Variants in BRME1 observed in about 807,000 individuals in gnomAD.
BRME1 encodes BRCA2 and MEILB2-associating protein 1.
BRME1 carries 31 observed loss-of-function variants against 52.6 expected under a neutral mutation model. The observed-to-expected ratio is 0.59, with a 90% CI of 0.44 to 0.80. BRME1 has a LOEUF of 0.80. Ranked by LOEUF, BRME1 falls within the 30% of genes least tolerant of loss-of-function variation. The probability of loss-of-function intolerance (pLI) is 0.00; values close to 1 mark genes in which losing one functional copy is unlikely to be tolerated. For missense variants in BRME1, 804 were observed against 860.3 expected (o/e 0.93, Z 0.82); for synonymous variants, 359 against 353.6 (o/e 1.02, Z -0.17).
chr19:13,889,939 T>G lies in BRME1; in HGVS notation c.917A>C (p.Gln306Pro). The change falls in exon 6 of 9, where the codon CAG (glutamine) becomes CCG (proline). Residue 306 changes from glutamine (Q) to proline (P), a missense_variant. Transcript: ENST00000586783. The part of the protein sequence containing the change: ...SWCLEPGSVA[Q>P]GSPDPQQTPS... ...GGTCTGCTGGGGGTCAGGGGAGCCC[T>G]GGGCCACAGACCCGGGTTCCAGGCA... 6.2e-7 allele frequency: 1 copy of G among 1,612,628 alleles called. No individual in the cohort carries two copies. The highest frequency in any genetic ancestry group is 8.5e-7 in the Non-Finnish European group (1 of 1,179,946).
At position 13,885,480 on chromosome 19, in the gene BRME1, G is replaced by A. The variant is rs374356656; in HGVS notation, c.1763+481C>T. ...CGGCTCACTGGTGGCCTGTGGGAGG[G>A]AGGAGGTGGTTCGCCTAGGGCAAGA... On this transcript the variant is annotated intron_variant, in intron 7 of 8. Transcript: ENST00000586783. 1.5e-4 allele frequency: 24 copies of A among 155,690 alleles called. No individual in the cohort carries two copies. In the South Asian group the frequency reaches 4.5e-3, roughly 30 times the overall value. The allele number at this position is 155,690 out of a possible 1,614,324, so 9.6% of individuals were successfully genotyped here. A position where few individuals can be genotyped will look rare whatever the true frequency, so the allele number is the denominator to read the frequency against.
intron 5 of BRME1, among the ~76,000 whole-genome samples, chr19:13,890,747 G>A (rs1969431435): frequency 1.3e-5 from 2 of 152,048 alleles, no homozygotes; most frequent in Non-Finnish European, 2.9e-5. Flanking sequence ...GTTGACTGTA[G>A]TCCCAACTAC....
At position 13,883,289 on chromosome 19, in the gene BRME1, G is replaced by A; in HGVS notation, c.1856+19C>T. On this transcript the variant is annotated intron_variant, in intron 8 of 8. Transcript: ENST00000586783. This position sits in a 1 kb window ranked among gnomAD's most constrained non-coding sequence, Gnocchi z 4.2. ...GCCTCCCGCAGACCCTGTGCCGTGAGTCCAAGCCCACCCCGTACTTCAGGT... is the reference window on the plus strand; with the variant it reads ...GCCTCCCGCAGACCCTGTGCCGTGAATCCAAGCCCACCCCGTACTTCAGGT... 1 of 1,528,478 alleles carries A rather than the reference G, an allele frequency of 6.5e-7. No homozygotes were observed. Among genetic ancestry groups the A allele is most frequent in the Non-Finnish European group, 8.8e-7 (1 of 1,140,504 alleles). The allele number at this position is 1,528,478 out of a possible 1,614,324, so 94.7% of individuals were successfully genotyped here.
chr19:13,902,938 A>AG, intron 2 of BRME1, among the ~76,000 whole-genome samples: 1 of 152,098 alleles, frequency 6.6e-6, no homozygotes, highest in East Asian at 1.9e-4. Context: ...AAAAAAAAAA[A>AG]AAAGTCTAGA....
chr19:13,883,956 C>A lies in BRME1; in HGVS notation c.1764-556G>T, dbSNP rs1373885278. Among the ~76,000 whole-genome samples the A allele has an allele frequency of 6.6e-6, 1 of 152,118 alleles. No individual in the cohort carries two copies. Among genetic ancestry groups the A allele is most frequent in the Non-Finnish European group, 1.5e-5 (1 of 68,034 alleles). Reference sequence around the variant, plus strand: ...CCCCAACACTCTGCCATCTGACTATCTAATCTGCTGTCTCTCATGTCCCCA... The same window carrying A: ...CCCCAACACTCTGCCATCTGACTATATAATCTGCTGTCTCTCATGTCCCCA... On this transcript the variant is annotated intron_variant, in intron 7 of 8. Transcript: ENST00000586783. This position sits in a 1 kb window ranked among gnomAD's most constrained non-coding sequence, Gnocchi z 4.2.
At chr19:13,903,908 C>T (rs1186508372) in intron 2 of BRME1, among the ~76,000 whole-genome samples, 2 of 152,020 alleles carry the variant, frequency 1.3e-5, no homozygotes, top group East Asian at 3.9e-4. Flanking sequence ...AGCCACATAC[C>T]GAGTGGCCTT....
At position 13,882,958 on chromosome 19, in the gene BRME1, G is replaced by A. The variant is rs763494705; in HGVS notation, c.1857-6C>T. 5.6e-6 allele frequency: 9 copies of A among 1,611,746 alleles called. No individual in the cohort carries two copies. Among genetic ancestry groups the A allele is most frequent in the Non-Finnish European group, 7.6e-6 (9 of 1,179,514 alleles). The stretch of plus-strand genomic sequence containing the variant: ...GGGTGCCCATGATCAGCCGGCTGTG[G>A]GGGAAACACAGGCATGCGTGTGGGG... On this transcript the variant is annotated splice_region_variant and splice_polypyrimidine_tract_variant and intron_variant, in intron 8 of 8. Coordinates refer to ENST00000586783, the MANE Select transcript of BRME1 (RefSeq NM_001345843.2).
chr19:13,893,182 C>T lies in BRME1; in HGVS notation c.248G>A (p.Arg83His), dbSNP rs888371601. Residue 83 changes from arginine to histidine, a missense_variant, in exon 4 of 9, where the codon CGT becomes CAT. Arg to His is a conservative substitution (Grantham distance 29). This residue lies in a region of BRME1 where 234 missense variants were observed against 258.1 expected (regional missense o/e 0.91). Coordinates refer to ENST00000586783, the MANE Select transcript of BRME1 (RefSeq NM_001345843.2). The part of the protein sequence containing the change: ...EETGSPCRLL[R>H]QPEKEPAPLP... ...GGGAGCTGGCTCCTTTTCTGGTTGA[C>T]GGAGGAGCCGGCAGGGAGATCCTGT... 8 of 1,591,424 alleles carry T rather than the reference C, an allele frequency of 5.0e-6. No homozygotes were observed. Among genetic ancestry groups the T allele is most frequent in the Non-Finnish European group, 3.4e-6 (4 of 1,171,126 alleles).
At chr19:13,899,283 C>A (rs1006084490) in intron 2 of BRME1, among the ~76,000 whole-genome samples, 3 of 151,466 alleles carry the variant, frequency 2.0e-5, no homozygotes, top group Non-Finnish European at 1.5e-5. Context: ...TGATTGGCTG[C>A]GACTACAGGT....
rs190776140 is a variant in BRME1, at chr19:13,905,578, G to A, written c.-22+137C>T. 1,253 of 152,252 alleles carry A rather than the reference G, an allele frequency of 8.2e-3. 7 individuals carry two copies. Among genetic ancestry groups the A allele is most frequent in the Middle Eastern group, 0.027 (8 of 298 alleles). 9.4% of individuals were successfully genotyped at this position (152,252 alleles called of 1,614,324 possible). A position where few individuals can be genotyped will look rare whatever the true frequency, so the allele number is the denominator to read the frequency against. On this transcript the variant is annotated intron_variant, in intron 1 of 8. Coordinates refer to ENST00000586783, the MANE Select transcript of BRME1 (RefSeq NM_001345843.2). ...AATCCCAGCTACTCAGGAGGCTGTG[G>A]TACAAGGCCAGGAGGCAGAGGTTGC...
chr19:13,887,825 G>A (rs1307010405), intron 6 of BRME1, among the ~76,000 whole-genome samples: 1 of 151,026 alleles, frequency 6.6e-6, no homozygotes. Flanking sequence ...GTGCAGTGGT[G>A]TAATCTCGGC....
chr19:13,884,792 CG>C, intron 7 of BRME1: 1 of 152,586 alleles, frequency 6.6e-6, no homozygotes, highest in Non-Finnish European at 1.5e-5. Context: ...GCAGCACCTC[CG>C]GGGCTGTCAC....
At position 13,895,392 on chromosome 19, in the gene BRME1, T is replaced by C; in HGVS notation, c.186A>G (p.Glu62=). ...CCTACCTGGAGACGGCCTTTCCTGG[T>C]TCCTCCCCGTGCTGCTGTGTAGAGG... ...PVPSTQQHGE[E]PGKAVSSSPD... is the part of the protein sequence containing the mutation. The change falls in exon 3 of 9, where the codon GAA becomes GAG. Residue 62 remains glutamate, a synonymous_variant. Coordinates refer to ENST00000586783, the MANE Select transcript of BRME1 (RefSeq NM_001345843.2). The C allele has an allele frequency of 6.2e-7, 1 of 1,613,296 alleles. No homozygotes were observed. The highest frequency in any genetic ancestry group is 1.1e-5 in the South Asian group (1 of 91,006).
intron 2 of BRME1, among the ~76,000 whole-genome samples, chr19:13,898,496 G>A (rs1407129404): frequency 6.6e-6 from 1 of 152,134 alleles, no homozygotes; most frequent in Non-Finnish European, 1.5e-5. Context: ...TGTAGTCTCA[G>A]CTACTCAGGA....
At chr19:13,902,676 A>T (rs1970379781) in intron 2 of BRME1, among the ~76,000 whole-genome samples, 1 of 151,460 alleles carries the variant, frequency 6.6e-6, no homozygotes, top group South Asian at 2.1e-4. Context: ...CTACTCCTGT[A>T]TCCCCAGCAC....
chr19:13,899,431 G>A lies in BRME1; in HGVS notation c.32-3885C>T, dbSNP rs139807749. 2.6e-3 allele frequency among the ~76,000 whole-genome samples: 402 copies of A among 152,232 alleles called. 1 individual carries two copies. Among genetic ancestry groups the A allele is most frequent in the African/African-American group, 9.4e-3 (389 of 41,550 alleles). ...CTCCCAAAGTGCTGGGAATGCAGGT[G>A]TGAGCCATGGCGCACGGTAAGTTGC... On this transcript the variant is annotated intron_variant, in intron 2 of 8. Coordinates refer to ENST00000586783, the MANE Select transcript of BRME1 (RefSeq NM_001345843.2).
At chr19:13,901,851 C>CA (rs1970316776) in intron 2 of BRME1, among the ~76,000 whole-genome samples, 1 of 151,926 alleles carries the variant, frequency 6.6e-6, no homozygotes, top group African/African-American at 2.4e-5. Context: ...CCAGCCTGGG[C>CA]AACATAGTGA....
At chr19:13,899,934 G>A (rs1437967136) in intron 2 of BRME1, among the ~76,000 whole-genome samples, 3 of 152,114 alleles carry the variant, frequency 2.0e-5, no homozygotes, top group Non-Finnish European at 4.4e-5. Flanking sequence ...CCCAGGCGGC[G>A]GAGGTTGCAG....
intron 5 of BRME1, among the ~76,000 whole-genome samples, chr19:13,890,884 G>A (rs1422954209): frequency 2.0e-5 from 3 of 151,838 alleles, no homozygotes; most frequent in African/African-American, 7.3e-5. Context: ...AAAAATTAGT[G>A]GCAAAAACTG....
Sources: gnomAD v4.1 joint callset for allele counts (sites outside exome capture counted in the v4.1 genomes callset) on GRCh38, gnomAD v4.1.1 for gene constraint, gnomAD v4.1.1 regional missense constraint, Gnocchi (gnomAD v3.1) non-coding constraint, MANE v1.5 for transcripts, NCBI Gene and HGNC (gene_info 2026-07-23, HGNC 2026-07-21) for gene names.